EIF2AK1: variants seen among roughly 807,000 people sequenced by gnomAD.
EIF2AK1 encodes the protein eukaryotic translation initiation factor 2-alpha kinase 1.
EIF2AK1 carries 54 observed loss-of-function variants against 77.9 expected under a neutral mutation model. The observed-to-expected ratio is 0.69, with a 90% CI of 0.56 to 0.87. The LOEUF (loss-of-function observed/expected upper bound fraction) is 0.87, where lower values mean the gene tolerates loss of function less well. Among genes scored for constraint, EIF2AK1 ranks in the 40% least tolerant of loss-of-function variants. The probability of loss-of-function intolerance (pLI) is 0.00; values close to 1 mark genes in which losing one functional copy is unlikely to be tolerated. For missense variants in EIF2AK1, 810 were observed against 768.6 expected, an observed-to-expected ratio of 1.05 and a Z score of -0.64; for synonymous variants, 314 against 290.5, an observed-to-expected ratio of 1.08 and a Z score of -0.82.
rs566887515 is a variant in EIF2AK1 at position 6,059,134 on chromosome 7, C to A, written c.-51G>T. On this transcript the variant is annotated 5_prime_UTR_variant, in exon 1 of 15. Coordinates refer to ENST00000199389, the MANE Select transcript of EIF2AK1 (RefSeq NM_014413.4). The stretch of plus-strand genomic sequence containing the variant: ...CAGCCCGCCGGCCAGCCCAGCACTG[C>A]CACACTCCGATGCTGCAGCTAGCGC... 28 of 1,210,142 alleles carry A rather than the reference C, an allele frequency of 2.3e-5. No individual in the cohort carries two copies. In the African/African-American group the frequency reaches 2.6e-4, roughly 11 times the overall value. The allele number at this position is 1,210,142 out of a possible 1,614,324, so 75.0% of individuals were successfully genotyped here.
intron 1 of EIF2AK1, among the ~76,000 whole-genome samples, chr7:6,056,138 C>T (rs1788752383): frequency 6.7e-6 from 1 of 149,646 alleles, no homozygotes; most frequent in Non-Finnish European, 1.5e-5. Flanking sequence ...ACTAAAAATA[C>T]AAAAATTAGG....
Position 6,031,159 on chromosome 7 carries a change from T to C in EIF2AK1, c.1333-2127A>G, listed in dbSNP as rs552071689. ...TGATAGCTTGAATATGTTTTTATGA[T>C]AGAGTAGAAAACCCTAAAAACTGCT... On this transcript the variant is annotated intron_variant, in intron 11 of 14. Transcript: ENST00000199389. Among the ~76,000 whole-genome samples, 7 of 152,196 alleles carry C rather than the reference T, an allele frequency of 4.6e-5. No individual in the cohort carries two copies. In the East Asian group the frequency reaches 9.6e-4, roughly 21 times the overall value.
In EIF2AK1 at chr7:6,026,817, A is replaced by T. The variant is rs1787759948; in HGVS notation, c.1675T>A (p.Tyr559Asn). ...TTCCTTCTCGTTAAGTGCTGGATAT[A>T]CTTGGCTTGCACTGGACACCTTTTA... ...LRKRCPVQAK[Y>N]IQHLTRRNSS... is the part of the protein sequence containing the mutation. The change falls in exon 14 of 15, where the codon TAT (tyrosine) becomes AAT (asparagine). Residue 559 changes from tyrosine (Y) to asparagine (N), a missense_variant. This residue lies in a region of EIF2AK1 where 549 missense variants were observed against 533.7 expected (regional missense o/e 1.03). Coordinates refer to ENST00000199389, the MANE Select transcript of EIF2AK1 (RefSeq NM_014413.4). 2 of 1,614,064 alleles carry T rather than the reference A, an allele frequency of 1.2e-6. No homozygotes were observed. The highest frequency in any genetic ancestry group is 1.7e-6 in the Non-Finnish European group (2 of 1,180,036).
At chr7:6,037,195 C>T (rs933192158) in intron 11 of EIF2AK1, among the ~76,000 whole-genome samples, 6 of 151,354 alleles carry the variant, frequency 4.0e-5, no homozygotes, top group Non-Finnish European at 7.4e-5. Context: ...CGTGCCACTG[C>T]GCTCCAACGT....
At chr7:6,046,284 A>ACTAT (rs1163714489) in intron 5 of EIF2AK1, 133 bp from the exon 6 acceptor site, 2 of 474,938 alleles carry the variant, frequency 4.2e-6, no homozygotes, top group Non-Finnish European at 3.6e-6. Context: ...ATGTCTCCTT[A>ACTAT]CTATGTTCAG....
At chr7:6,029,080 T>A in intron 11 of EIF2AK1, 48 bp from the exon 12 acceptor site, 1 of 1,402,604 alleles carries the variant, frequency 7.1e-7, no homozygotes, top group Non-Finnish European at 1.0e-6. Flanking sequence ...TTAAAACAAA[T>A]AGTAATATCT....
chr7:6,038,100 G>A (rs1039164229), intron 10 of EIF2AK1, among the ~76,000 whole-genome samples: 13 of 152,134 alleles, frequency 8.5e-5, no homozygotes, highest in Non-Finnish European at 1.9e-4. Context: ...TTTAGAGGAT[G>A]GAGAGGTTTT....
intron 7 of EIF2AK1, among the ~76,000 whole-genome samples, chr7:6,043,244 C>T (rs1381481474): frequency 2.0e-5 from 3 of 152,056 alleles, no homozygotes; most frequent in Non-Finnish European, 2.9e-5. Context: ...GGTTTTAGGG[C>T]CCTCTGGGAC....
chr7:6,024,979 C>T (rs1412748760), intron 14 of EIF2AK1, among the ~76,000 whole-genome samples, 178 bp from the exon 15 acceptor site: 2 of 151,924 alleles, frequency 1.3e-5, no homozygotes, highest in Admixed American at 6.6e-5. Flanking sequence ...GCTGGGATTA[C>T]AGGCGCTCTC....
At chr7:6,043,080 T>G in intron 7 of EIF2AK1, 87 bp from the exon 8 acceptor site, 2 of 1,303,138 alleles carry the variant, frequency 1.5e-6, no homozygotes, top group Non-Finnish European at 2.2e-6. Context: ...ACAAATAGTG[T>G]CAAATGAGAC....
intron 7 of EIF2AK1, among the ~76,000 whole-genome samples, chr7:6,043,319 G>A (rs1213303965): frequency 2.0e-5 from 3 of 152,268 alleles, no homozygotes; most frequent in East Asian, 1.9e-4. Context: ...GCTCATGCCT[G>A]TAATCCCAAC....
In EIF2AK1 at chr7:6,033,849, G is replaced by A. The variant is rs1787986252; in HGVS notation, c.1332+3575C>T. Among the ~76,000 whole-genome samples the A allele has an allele frequency of 6.6e-6, 1 of 151,872 alleles. No individual in the cohort carries two copies. The highest frequency in any genetic ancestry group is 2.1e-4 in the South Asian group (1 of 4,824). On this transcript the variant is annotated intron_variant, in intron 11 of 14. Transcript: ENST00000199389. The surrounding 1 kb of genome is among the most constrained non-coding windows in gnomAD (Gnocchi z 4.4). ...CTCCCAAAGTGCTGGGATTACAGGCGTGAGCCGCCGTGCCTGGCCGACAAT... is the reference window on the plus strand; with the variant it reads ...CTCCCAAAGTGCTGGGATTACAGGCATGAGCCGCCGTGCCTGGCCGACAAT...
Position 6,035,061 on chromosome 7 carries a change from G to A in EIF2AK1, c.1332+2363C>T, listed in dbSNP as rs1189715377. On this transcript the variant is annotated intron_variant, in intron 11 of 14. Transcript: ENST00000199389. The surrounding 1 kb of genome is among the most constrained non-coding windows in gnomAD (Gnocchi z 5.5). ...GTAACCCAGCCCAGCACTGTGTGAG[G>A]TGCCAGACTGCAGAAATCACTAAGA... 2.6e-5 allele frequency among the ~76,000 whole-genome samples: 4 copies of A among 152,192 alleles called. No homozygotes were observed. The highest frequency in any genetic ancestry group is 4.4e-5 in the Non-Finnish European group (3 of 68,032).
chr7:6,049,838 G>A, intron 3 of EIF2AK1, 74 bp downstream of exon 3: 2 of 1,400,400 alleles, frequency 1.4e-6, no homozygotes, highest in South Asian at 2.6e-5. Context: ...GAATTTCACA[G>A]TGCTTTAAAA....
intron 1 of EIF2AK1, among the ~76,000 whole-genome samples, chr7:6,056,206 T>A (rs563911966): frequency 2.7e-4 from 39 of 145,672 alleles, no homozygotes; most frequent in African/African-American, 9.2e-4. Context: ...GGCAGGAGAA[T>A]TGCTTGAACC....
At chr7:6,037,563 T>C (rs745863256) in intron 10 of EIF2AK1, 39 bp from the exon 11 acceptor site, 4 of 1,315,678 alleles carry the variant, frequency 3.0e-6, no homozygotes, top group Admixed American at 3.5e-5. Flanking sequence ...CTCTAATTTT[T>C]TTACTCATTA....
chr7:6,055,318 G>A (rs181597890), intron 1 of EIF2AK1, among the ~76,000 whole-genome samples: 209 of 122,504 alleles, frequency 1.7e-3, no homozygotes, highest in African/African-American at 6.6e-3. Context: ...TTCCAGCCTT[G>A]GCAACAAGAG....
chr7:6,045,755 A>G (rs2128890315), intron 6 of EIF2AK1, among the ~76,000 whole-genome samples: 1 of 149,298 alleles, frequency 6.7e-6, no homozygotes, highest in South Asian at 2.1e-4. Flanking sequence ...ATATATATAA[A>G]TTAGCCAGGC....
Position 6,027,019 on chromosome 7 carries a change from C to T in EIF2AK1, c.1531-58G>A, listed in dbSNP as rs557951820. The T allele has an allele frequency of 1.4e-6, 2 of 1,430,494 alleles. No homozygotes were observed. Among genetic ancestry groups the T allele is most frequent in the Non-Finnish European group, 2.0e-6 (2 of 1,022,956 alleles). 88.6% of individuals were successfully genotyped at this position (1,430,494 alleles called of 1,614,324 possible). ...GAAATACAAAGTTAGAAGAACGTTT[C>T]CATTTCCGTGTTCCACCCTCCAAAC... On this transcript the variant is annotated intron_variant, in intron 13 of 14. Transcript: ENST00000199389. This position sits in a 1 kb window ranked among gnomAD's most constrained non-coding sequence, Gnocchi z 4.5.
Sources: allele counts gnomAD v4.1 joint callset (sites outside exome capture counted in the v4.1 genomes callset), GRCh38; gene constraint gnomAD v4.1.1; regional missense constraint gnomAD v4.1.1; non-coding constraint Gnocchi (gnomAD v3.1); transcripts MANE v1.5; gene names NCBI Gene and HGNC (gene_info 2026-07-23, HGNC 2026-07-21).